ERBB4: variants seen among roughly 807,000 people sequenced by gnomAD.
ERBB4 encodes the protein erb-b2 receptor tyrosine kinase 4.
A neutral mutation model predicts 158.0 loss-of-function variants in ERBB4; 42 were observed. The observed-to-expected ratio is 0.27, with a 90% CI of 0.21 to 0.34. The LOEUF (loss-of-function observed/expected upper bound fraction) is 0.34. Ranked by LOEUF, ERBB4 falls within the 10% of genes least tolerant of loss-of-function variation. The probability of loss-of-function intolerance (pLI) is 1.00; values close to 1 mark genes in which losing one functional copy is unlikely to be tolerated. For synonymous variants in ERBB4, 583 were observed against 558.7 expected, an observed-to-expected ratio of 1.04 and a Z score of -0.61; for missense variants, 1,333 against 1,624.1, an observed-to-expected ratio of 0.82 and a Z score of 3.08.
At chr2:212,489,327 A>G (rs1288262078) in intron 1 of ERBB4, among the ~76,000 whole-genome samples, 1 of 151,916 alleles carries the variant, frequency 6.6e-6, no homozygotes, top group East Asian at 1.9e-4. Context: ...CATAGGTAAC[A>G]AGGCTTGAGG....
chr2:211,399,279 C>CTA (rs2062984806), intron 25 of ERBB4, among the ~76,000 whole-genome samples: 1 of 152,118 alleles, frequency 6.6e-6, no homozygotes, highest in South Asian at 2.1e-4. Context: ...CTCTAATTTA[C>CTA]TATTAAATTT....
intron 20 of ERBB4, among the ~76,000 whole-genome samples, chr2:211,494,596 A>T (rs1340043276): frequency 6.6e-6 from 1 of 152,110 alleles, no homozygotes; most frequent in Non-Finnish European, 1.5e-5. Context: ...AGGAATCTCT[A>T]CATGATAAAG....
intron 20 of ERBB4, among the ~76,000 whole-genome samples, chr2:211,514,316 A>T (rs1201097798): frequency 2.0e-5 from 3 of 152,144 alleles, no homozygotes; most frequent in Non-Finnish European, 4.4e-5. Context: ...TCTCACTGCA[A>T]CTGAAAGAAT....
At chr2:212,285,236 G>A (rs1305533011) in intron 1 of ERBB4, among the ~76,000 whole-genome samples, 1 of 152,136 alleles carries the variant, frequency 6.6e-6, no homozygotes, top group East Asian at 1.9e-4. Context: ...TTGAAGGTAA[G>A]GGTGAGAATG....
At chr2:212,291,749 A>G (rs2086214538) in intron 1 of ERBB4, among the ~76,000 whole-genome samples, 1 of 152,062 alleles carries the variant, frequency 6.6e-6, no homozygotes, top group Non-Finnish European at 1.5e-5. Context: ...ACTAATTTAA[A>G]TTGAATACTT....
intron 2 of ERBB4, among the ~76,000 whole-genome samples, chr2:212,055,379 T>C (rs547642057): frequency 4.6e-5 from 7 of 151,830 alleles, no homozygotes; most frequent in Non-Finnish European, 8.9e-5. Context: ...GGGCAGGGCA[T>C]AGCCAAAAGG....
intron 1 of ERBB4, among the ~76,000 whole-genome samples, chr2:212,334,367 T>C (rs1271526440): frequency 1.3e-5 from 2 of 152,048 alleles, no homozygotes; most frequent in Non-Finnish European, 2.9e-5. Context: ...TTCATTGATA[T>C]ATTCCCAGAG....
intron 1 of ERBB4, among the ~76,000 whole-genome samples, chr2:212,476,605 G>A (rs931183540): frequency 6.6e-6 from 1 of 152,106 alleles, no homozygotes. Context: ...TAGATTGTAT[G>A]TCTCAGTTTT....
chr2:212,171,672 G>A (rs2081524334), intron 1 of ERBB4, among the ~76,000 whole-genome samples: 1 of 152,040 alleles, frequency 6.6e-6, no homozygotes. Flanking sequence ...GAGATATGAT[G>A]GTTTTATAAG....
chr2:212,167,679 T>C (rs1312085522), intron 1 of ERBB4, among the ~76,000 whole-genome samples: 1 of 152,028 alleles, frequency 6.6e-6, no homozygotes, highest in African/African-American at 2.4e-5. Context: ...AACAAAGTCA[T>C]GGAACCAACA....
At chr2:212,014,111 G>A (rs1476832817) in intron 2 of ERBB4, among the ~76,000 whole-genome samples, 2 of 152,192 alleles carry the variant, frequency 1.3e-5, no homozygotes, top group African/African-American at 2.4e-5. Flanking sequence ...CTCAAACTCA[G>A]CGTTGTCACT....
rs560841207 is a variant in ERBB4 at position 212,067,844 on chromosome 2, C to T, written c.234+56908G>A. On this transcript the variant is annotated intron_variant, in intron 2 of 27. Coordinates refer to ENST00000342788, the MANE Select transcript of ERBB4 (RefSeq NM_005235.3). ...ATAAGTAGTTCCTGCGGGTAACTTGCAAATTGTCATGCCCATTCCTAAAAT... is the reference window on the plus strand; with the variant it reads ...ATAAGTAGTTCCTGCGGGTAACTTGTAAATTGTCATGCCCATTCCTAAAAT... Among the ~76,000 whole-genome samples the T allele has an allele frequency of 4.8e-4, 73 of 152,076 alleles. 1 individual carries two copies. Among genetic ancestry groups the T allele is most frequent in the African/African-American group, 1.7e-3 (69 of 41,522 alleles).
chr2:212,219,407 T>C (rs1275087399), intron 1 of ERBB4, among the ~76,000 whole-genome samples: 2 of 151,336 alleles, frequency 1.3e-5, no homozygotes, highest in Non-Finnish European at 3.0e-5. Flanking sequence ...TAAACAAGCA[T>C]GTCAGAAAGA....
chr2:212,100,369 C>A (rs1409984026), intron 2 of ERBB4, among the ~76,000 whole-genome samples: 2 of 152,130 alleles, frequency 1.3e-5, no homozygotes, highest in Non-Finnish European at 2.9e-5. Context: ...ATATTTGAAG[C>A]CAAATTGTTC....
At chr2:212,120,884 G>C (rs1360387978) in intron 2 of ERBB4, among the ~76,000 whole-genome samples, 2 of 152,080 alleles carry the variant, frequency 1.3e-5, no homozygotes, top group Admixed American at 1.3e-4. Flanking sequence ...CATACAATTT[G>C]AAACTTATAG....
At chr2:211,871,094 A>G (rs1420939240) in intron 3 of ERBB4, among the ~76,000 whole-genome samples, 1 of 152,184 alleles carries the variant, frequency 6.6e-6, no homozygotes, top group South Asian at 2.1e-4. Flanking sequence ...GGCAAGAAGT[A>G]AATATCTTCC....
intron 1 of ERBB4, among the ~76,000 whole-genome samples, chr2:212,483,893 C>T (rs1461217027): frequency 6.6e-6 from 1 of 152,112 alleles, no homozygotes; most frequent in South Asian, 2.1e-4. Context: ...CCTGCAACCA[C>T]GCCCCTCTAA....
intron 1 of ERBB4, among the ~76,000 whole-genome samples, chr2:212,256,598 T>C (rs1444981523): frequency 6.6e-6 from 1 of 152,218 alleles, no homozygotes; most frequent in Non-Finnish European, 1.5e-5. Context: ...CACTATGCTA[T>C]GTGCTTTGTT....
chr2:211,612,326 G>C (rs1258229099), intron 19 of ERBB4, among the ~76,000 whole-genome samples: 1 of 152,060 alleles, frequency 6.6e-6, no homozygotes, highest in Non-Finnish European at 1.5e-5. Flanking sequence ...CAGTGATGGA[G>C]TCAGCAGACA....
Sources: gnomAD v4.1 joint callset for allele counts (sites outside exome capture counted in the v4.1 genomes callset) on GRCh38, gnomAD v4.1.1 for gene constraint, MANE v1.5 for transcripts, NCBI Gene and HGNC (gene_info 2026-07-23, HGNC 2026-07-21) for gene names.